Variants in OR6K2 observed in about 807,000 individuals in gnomAD.
OR6K2 encodes the protein olfactory receptor 6K2.
For missense variants in OR6K2, 450 were observed against 402.5 expected (o/e 1.12, Z -1.01); for synonymous variants, 139 against 143.8 (o/e 0.97, Z 0.24).
chr1:158,700,633 G>A lies in OR6K2; in HGVS notation c.20C>T (p.Thr7Ile), dbSNP rs775121298. The A allele has an allele frequency of 4.3e-6, 7 of 1,610,934 alleles. No individual in the cohort carries two copies. The highest frequency in any genetic ancestry group is 5.9e-6 in the Non-Finnish European group (7 of 1,179,630). The change falls in exon 1 of 1, where the codon ACC (threonine) becomes ATC (isoleucine). Residue 7 changes from threonine to isoleucine, a missense_variant. Thr to Ile is a moderately conservative substitution (Grantham distance 89). Transcript: ENST00000359610. ...GGAGAAGATAAACTCCTGAATGGTG[G>A]TTCGATTGGGGCTCTCCATCTCCAA... The part of the protein sequence containing the change: MESPNR[T>I]TIQEFIFSAF...
At position 158,699,910 on chromosome 1, in the gene OR6K2, A is replaced by T; in HGVS notation, c.743T>A (p.Val248Asp). The change falls in exon 1 of 1, where the codon GTC (valine) becomes GAC (aspartate). Residue 248 changes from valine (V) to aspartate (D), a missense_variant. Val to Asp is a radical substitution (Grantham distance 152). Transcript: ENST00000359610. ...AFSTCVSHFI[V>D]FSLFFGSVTL... ...CACACTGCCAAAGAAGAGCGAAAAG[A>T]CAATGAAGTGAGAGACACACGTGGA... 1.9e-6 allele frequency: 3 copies of T among 1,614,202 alleles called. No homozygotes were observed. Among genetic ancestry groups the T allele is most frequent in the South Asian group, 2.2e-5 (2 of 91,082 alleles).
chr1:158,699,724 T>C lies in OR6K2; in HGVS notation c.929A>G (p.Lys310Arg). Residue 310 changes from lysine to arginine, a missense_variant, in exon 1 of 1, where the codon AAG becomes AGG. Physicochemically the swap from Lys to Arg is conservative, Grantham distance 26 (BLOSUM62 2). Transcript: ENST00000359610. ...EAIKKHIGQA[K>R]IFFSVRPGTS... ...CCCTGGTCTTACGGAAAAAAATATC[T>C]TAGCTTGACCTATGTGCTTTTTTAT... 3 of 1,612,602 alleles carry C rather than the reference T, an allele frequency of 1.9e-6. No individual in the cohort carries two copies. The highest frequency in any genetic ancestry group is 2.5e-6 in the Non-Finnish European group (3 of 1,179,562).
At position 158,699,980 on chromosome 1, in the gene OR6K2, CA is replaced by C. The variant is rs1558008794; in HGVS notation, c.672del (p.Val225Ter). Reference sequence around the variant, plus strand: ...CCAGCTGAATGAATACGTAGAATTACAGCCACAATACCATCGTAGGACATGA... The same window carrying C: ...CCAGCTGAATGAATACGTAGAATTACGCCACAATACCATCGTAGGACATGA... ...LIFMSYDGIV[A>X]VILRIHSAGG... On this transcript the variant is annotated frameshift_variant, in exon 1 of 1. Transcript: ENST00000359610. LOFTEE classifies it low-confidence loss of function (END_TRUNC). The C allele has an allele frequency of 6.2e-7, 1 of 1,614,024 alleles. No homozygotes were observed. Among genetic ancestry groups the C allele is most frequent in the Admixed American group, 1.7e-5 (1 of 60,004 alleles).
At position 158,699,930 on chromosome 1, in the gene OR6K2, C is replaced by T. The variant is rs542320632; in HGVS notation, c.723G>A (p.Thr241=). ...SAGGRRTAFS[T]CVSHFIVFSL... Reference sequence around the variant, plus strand: ...AAAAGACAATGAAGTGAGAGACACACGTGGAAAATGCTGTGCGGCGGCCTC... The same window carrying T: ...AAAAGACAATGAAGTGAGAGACACATGTGGAAAATGCTGTGCGGCGGCCTC... The change falls in exon 1 of 1, where the codon ACG becomes ACA. Residue 241 remains threonine (T), a synonymous_variant. Transcript: ENST00000359610. The T allele has an allele frequency of 5.3e-5, 86 of 1,614,114 alleles. No homozygotes were observed. The South Asian group carries it at 7.0e-4, about 13-fold the overall frequency.
At position 158,699,964 on chromosome 1, in the gene OR6K2, T is replaced by C. The variant is rs1655748800; in HGVS notation, c.689A>G (p.His230Arg). 6.2e-7 allele frequency: 1 copy of C among 1,614,088 alleles called. No individual in the cohort carries two copies. Among genetic ancestry groups the C allele is most frequent in the Non-Finnish European group, 8.5e-7 (1 of 1,180,014 alleles). Residue 230 changes from histidine (H) to arginine (R), a missense_variant, in exon 1 of 1, where the codon CAT becomes CGT. By Grantham distance (29) the His-to-Arg change is conservative. Coordinates refer to ENST00000359610, the MANE Select transcript of OR6K2 (RefSeq NM_001005279.3). The stretch of plus-strand genomic sequence containing the variant: ...TGCTGTGCGGCGGCCTCCAGCTGAA[T>C]GAATACGTAGAATTACAGCCACAAT... The part of the protein sequence containing the change: ...DGIVAVILRI[H>R]SAGGRRTAFS...
rs757387772 is a variant in OR6K2 at position 158,700,587 on chromosome 1, A to T, written c.66T>A (p.Val22=). 1.2e-6 allele frequency: 2 copies of T among 1,614,084 alleles called. No homozygotes were observed. The highest frequency in any genetic ancestry group is 1.7e-6 in the Non-Finnish European group (2 of 1,180,000). Residue 22 remains valine, a synonymous_variant, in exon 1 of 1, where the codon GTT becomes GTA. Transcript: ENST00000359610. ...FIFSAFPYSW[V]KSVVCFVPLL... is the part of the protein sequence containing the mutation. ...GTGGAACAAAGCAGACAACAGACTT[A>T]ACCCAGGAATAAGGGAAAGCGGAGA...
Position 158,700,437 on chromosome 1 carries a change from C to G in OR6K2, c.216G>C (p.Trp72Cys). The G allele has an allele frequency of 6.2e-7, 1 of 1,613,988 alleles. No homozygotes were observed. Among genetic ancestry groups the G allele is most frequent in the Admixed American group, 1.7e-5 (1 of 60,004 alleles). ...TCTTTGGGATTGTGGCTGTGGTATA[C>G]CAAATCTCCAGGAAAGAAAGAGCAC... ...FISALSFLEI[W>C]YTTATIPKML... The change falls in exon 1 of 1, where the codon TGG becomes TGC. Residue 72 changes from tryptophan to cysteine, a missense_variant. By Grantham distance (215) the Trp-to-Cys change is radical. Coordinates refer to ENST00000359610, the MANE Select transcript of OR6K2 (RefSeq NM_001005279.3).
Position 158,699,705 on chromosome 1 carries a change from T to C in OR6K2, c.948A>G (p.Arg316=). Residue 316 remains arginine (R), a synonymous_variant, in exon 1 of 1, where the codon AGA becomes AGG. Transcript: ENST00000359610. ...AAAATATCTTACTTGAGGTCCCTGG[T>C]CTTACGGAAAAAAATATCTTAGCTT... ...IGQAKIFFSV[R]PGTSSKIF 1.9e-6 allele frequency: 3 copies of C among 1,611,784 alleles called. No homozygotes were observed. The highest frequency in any genetic ancestry group is 1.7e-6 in the Non-Finnish European group (2 of 1,179,462).
Position 158,700,602 on chromosome 1 carries a change from G to A in OR6K2, c.51C>T (p.Phe17=), listed in dbSNP as rs1250682204. ...TTIQEFIFSA[F]PYSWVKSVVC... Reference sequence around the variant, plus strand: ...CAACAGACTTAACCCAGGAATAAGGGAAAGCGGAGAAGATAAACTCCTGAA... The same window carrying A: ...CAACAGACTTAACCCAGGAATAAGGAAAAGCGGAGAAGATAAACTCCTGAA... Residue 17 remains phenylalanine (F), a synonymous_variant, in exon 1 of 1, where the codon TTC becomes TTT. Transcript: ENST00000359610. The A allele has an allele frequency of 6.2e-7, 1 of 1,613,650 alleles. No individual in the cohort carries two copies. Among genetic ancestry groups the A allele is most frequent in the Non-Finnish European group, 8.5e-7 (1 of 1,179,998 alleles).
At position 158,699,772 on chromosome 1, in the gene OR6K2, C is replaced by A. The variant is rs768966243; in HGVS notation, c.881G>T (p.Arg294Met). 1 of 1,613,748 alleles carries A rather than the reference C, an allele frequency of 6.2e-7. No individual in the cohort carries two copies. The highest frequency in any genetic ancestry group is 1.3e-5 in the African/African-American group (1 of 74,826). Reference sequence around the variant, plus strand: ...TATAGCTTCTTTTATTTCTTTATTCCTCAGGCTATAGATAATGGGGTTGAA... The same window carrying A: ...TATAGCTTCTTTTATTTCTTTATTCATCAGGCTATAGATAATGGGGTTGAA... ...PFFNPIIYSL[R>M]NKEIKEAIKK... The change falls in exon 1 of 1, where the codon AGG becomes ATG. Residue 294 changes from arginine to methionine, a missense_variant. Physicochemically the swap from Arg to Met is moderately conservative, Grantham distance 91 (BLOSUM62 -1). Transcript: ENST00000359610.
rs1375609621 is a variant in OR6K2, at chr1:158,700,214, A to G, written c.439T>C (p.Cys147Arg). 41 of 1,613,956 alleles carry G rather than the reference A, an allele frequency of 2.5e-5. No homozygotes were observed. The highest frequency in any genetic ancestry group is 3.5e-5 in the Non-Finnish European group (41 of 1,179,980). ...GGTGTGATAAAGCCACAAACACAGCAACTTAAAGTCAGTTGGGTACATAGC... is the reference window on the plus strand; with the variant it reads ...GGTGTGATAAAGCCACAAACACAGCGACTTAAAGTCAGTTGGGTACATAGC... ...PKLCTQLTLS[C>R]CVCGFITPLP... is the part of the protein sequence containing the mutation. The change falls in exon 1 of 1, where the codon TGC becomes CGC. Residue 147 changes from cysteine (C) to arginine (R), a missense_variant. Physicochemically the swap from Cys to Arg is radical, Grantham distance 180. Coordinates refer to ENST00000359610, the MANE Select transcript of OR6K2 (RefSeq NM_001005279.3).
Position 158,700,596 on chromosome 1 carries a change from A to G in OR6K2, c.57T>C (p.Tyr19=). ...AGCAGACAACAGACTTAACCCAGGA[A>G]TAAGGGAAAGCGGAGAAGATAAACT... The part of the protein sequence containing the change: ...IQEFIFSAFP[Y]SWVKSVVCFV... Residue 19 remains tyrosine, a synonymous_variant, in exon 1 of 1, where the codon TAT becomes TAC. Transcript: ENST00000359610. 1 of 1,613,946 alleles carries G rather than the reference A, an allele frequency of 6.2e-7. No individual in the cohort carries two copies. Among genetic ancestry groups the G allele is most frequent in the Non-Finnish European group, 8.5e-7 (1 of 1,179,994 alleles).
At position 158,699,772 on chromosome 1, in the gene OR6K2, C is replaced by T. The variant is rs768966243; in HGVS notation, c.881G>A (p.Arg294Lys). Residue 294 changes from arginine (R) to lysine (K), a missense_variant, in exon 1 of 1, where the codon AGG becomes AAG. Coordinates refer to ENST00000359610, the MANE Select transcript of OR6K2 (RefSeq NM_001005279.3). ...PFFNPIIYSL[R>K]NKEIKEAIKK... Reference sequence around the variant, plus strand: ...TATAGCTTCTTTTATTTCTTTATTCCTCAGGCTATAGATAATGGGGTTGAA... The same window carrying T: ...TATAGCTTCTTTTATTTCTTTATTCTTCAGGCTATAGATAATGGGGTTGAA... The T allele has an allele frequency of 6.2e-7, 1 of 1,613,748 alleles. No homozygotes were observed. The highest frequency in any genetic ancestry group is 2.2e-5 in the East Asian group (1 of 44,874).
At position 158,700,224 on chromosome 1, in the gene OR6K2, C is replaced by T. The variant is rs1209300985; in HGVS notation, c.429G>A (p.Leu143=). The T allele has an allele frequency of 6.2e-7, 1 of 1,613,900 alleles. No individual in the cohort carries two copies. The highest frequency in any genetic ancestry group is 8.5e-7 in the Non-Finnish European group (1 of 1,179,948). ...SIMTPKLCTQ[L]TLSCCVCGFI... is the part of the protein sequence containing the mutation. ...AGCCACAAACACAGCAACTTAAAGT[C>T]AGTTGGGTACATAGCTTGGGGGTCA... Residue 143 remains leucine, a synonymous_variant, in exon 1 of 1, where the codon CTG becomes CTA. Transcript: ENST00000359610.
chr1:158,700,571 A>G lies in OR6K2; in HGVS notation c.82T>C (p.Phe28Leu). 6.2e-7 allele frequency: 1 copy of G among 1,614,168 alleles called. No homozygotes were observed. The highest frequency in any genetic ancestry group is 8.5e-7 in the Non-Finnish European group (1 of 1,180,014). ...PYSWVKSVVC[F>L]VPLLFIYAFI... is the part of the protein sequence containing the mutation. ...GCATAGATGAAGAGCAGTGGAACAA[A>G]GCAGACAACAGACTTAACCCAGGAA... is the stretch of plus-strand genomic sequence containing the variant. Residue 28 changes from phenylalanine to leucine, a missense_variant, in exon 1 of 1, where the codon TTT becomes CTT. By Grantham distance (22) the Phe-to-Leu change is conservative. Coordinates refer to ENST00000359610, the MANE Select transcript of OR6K2 (RefSeq NM_001005279.3).
chr1:158,700,524 C>G lies in OR6K2; in HGVS notation c.129G>C (p.Leu43=). Reference sequence around the variant, plus strand: ...TCAACTGGACCACTGTGATGATGACCAGGTTTCCAACAACAATGAAAGCAT... The same window carrying G: ...TCAACTGGACCACTGTGATGATGACGAGGTTTCCAACAACAATGAAAGCAT... ...FIYAFIVVGN[L]VIITVVQLNT... Residue 43 remains leucine (L), a synonymous_variant, in exon 1 of 1, where the codon CTG becomes CTC. Transcript: ENST00000359610. 4 of 1,614,100 alleles carry G rather than the reference C, an allele frequency of 2.5e-6. No homozygotes were observed. The highest frequency in any genetic ancestry group is 1.7e-6 in the Non-Finnish European group (2 of 1,180,014).
Position 158,699,949 on chromosome 1 carries a change from C to A in OR6K2, c.704G>T (p.Arg235Leu), listed in dbSNP as rs150711789. Residue 235 changes from arginine to leucine, a missense_variant, in exon 1 of 1, where the codon CGC becomes CTC. Arg to Leu is a moderately radical substitution (Grantham distance 102, BLOSUM62 -2). Coordinates refer to ENST00000359610, the MANE Select transcript of OR6K2 (RefSeq NM_001005279.3). ...VILRIHSAGGRRTAFSTCVSH... is the reference protein window; with the variant it reads ...VILRIHSAGGLRTAFSTCVSH... ...GACACACGTGGAAAATGCTGTGCGG[C>A]GGCCTCCAGCTGAATGAATACGTAG... The A allele has an allele frequency of 1.9e-6, 3 of 1,613,980 alleles. No homozygotes were observed. The African/African-American group carries it at 4.0e-5, about 22-fold the overall frequency.
Position 158,700,586 on chromosome 1 carries a change from T to C in OR6K2, c.67A>G (p.Lys23Glu). ...AGTGGAACAAAGCAGACAACAGACT[T>C]AACCCAGGAATAAGGGAAAGCGGAG... ...IFSAFPYSWVKSVVCFVPLLF... is the reference protein window; with the variant it reads ...IFSAFPYSWVESVVCFVPLLF... The change falls in exon 1 of 1, where the codon AAG becomes GAG. Residue 23 changes from lysine (K) to glutamate (E), a missense_variant. Physicochemically the swap from Lys to Glu is moderately conservative, Grantham distance 56. Transcript: ENST00000359610. The C allele has an allele frequency of 1.2e-6, 2 of 1,614,022 alleles. No individual in the cohort carries two copies. The highest frequency in any genetic ancestry group is 1.6e-4 in the Middle Eastern group (1 of 6,062).
rs761650700 is a variant in OR6K2, at chr1:158,700,002, C to T, written c.651G>A (p.Met217Ile). 6.2e-7 allele frequency: 1 copy of T among 1,614,076 alleles called. No homozygotes were observed. The highest frequency in any genetic ancestry group is 1.1e-5 in the South Asian group (1 of 91,084). ...TTACAGCCACAATACCATCGTAGGA[C>T]ATGAAGATGAGCATCACAGCTGTAA... is the stretch of plus-strand genomic sequence containing the variant. The part of the protein sequence containing the change: ...EIITAVMLIF[M>I]SYDGIVAVIL... Residue 217 changes from methionine to isoleucine, a missense_variant, in exon 1 of 1, where the codon ATG (methionine) becomes ATA (isoleucine). By Grantham distance (10) the Met-to-Ile change is conservative (BLOSUM62 1). Transcript: ENST00000359610.
Sources: gnomAD v4.1 joint callset for allele counts on GRCh38, gnomAD v4.1.1 for gene constraint, MANE v1.5 for transcripts, NCBI Gene and HGNC (gene_info 2026-07-23, HGNC 2026-07-21) for gene names.